PELP1: variants seen among roughly 807,000 people sequenced by gnomAD.
The protein encoded by PELP1 is proline-, glutamic acid- and leucine-rich protein 1.
In PELP1, 32 loss-of-function variants were observed where a neutral mutation model predicts 95.5. That is an observed-to-expected ratio of 0.34 (90% CI 0.25 to 0.45). The LOEUF is 0.45. Ranked by LOEUF, PELP1 falls within the 20% of genes least tolerant of loss-of-function variation. The probability of loss-of-function intolerance (pLI) is 1.00; values close to 1 mark genes in which losing one functional copy is unlikely to be tolerated. For synonymous variants in PELP1, 668 were observed against 600.1 expected, an observed-to-expected ratio of 1.11 and a Z score of -1.65; for missense variants, 1,358 against 1,444.8, an observed-to-expected ratio of 0.94 and a Z score of 0.97.
At position 4,671,957 on chromosome 17, in the gene PELP1, G is replaced by C. The variant is rs768910561; in HGVS notation, c.3034C>G (p.Pro1012Ala). Residue 1012 changes from proline (P) to alanine (A), a missense_variant, in exon 16 of 17, where the codon CCA becomes GCA. Pro to Ala is a conservative substitution (Grantham distance 27). Transcript: ENST00000572293. ...GCCCCACGCTCCTCCTCCGTCCCTG[G>C]CTCCTCCACTTCCAAAAGCAGCCCG... ...EPGLLLEVEE[P>A]GTEEERGADT... 16 of 1,534,518 alleles carry C rather than the reference G, an allele frequency of 1.0e-5. No individual in the cohort carries two copies. Among genetic ancestry groups the C allele is most frequent in the Non-Finnish European group, 1.2e-5 (14 of 1,146,060 alleles).
chr17:4,671,716 GTC>G lies in PELP1; in HGVS notation c.3273_3274del (p.Glu1091AspfsTer13), dbSNP rs764141431. ...CTTTTCCTGGAGAGCTTCGGCCTCT[GTC>G]TCTGTCTCCATCTCTTCTTCTGCAG... On this transcript the variant is annotated frameshift_variant, in exon 16 of 17. Transcript: ENST00000572293. LOFTEE classifies it high-confidence loss of function. 1 of 1,550,766 alleles carries G rather than the reference GTC, an allele frequency of 6.4e-7. No homozygotes were observed. Among genetic ancestry groups the G allele is most frequent in the Non-Finnish European group, 8.7e-7 (1 of 1,154,108 alleles).
intron 1 of PELP1, among the ~76,000 whole-genome samples, chr17:4,701,819 T>A (rs1938485471): frequency 6.6e-6 from 1 of 152,112 alleles, no homozygotes; most frequent in African/African-American, 2.4e-5. Context: ...AATGAAACCT[T>A]TGGGGAAGGA....
chr17:4,701,712 T>C (rs1039584447), intron 1 of PELP1, among the ~76,000 whole-genome samples: 1 of 152,188 alleles, frequency 6.6e-6, no homozygotes, highest in Non-Finnish European at 1.5e-5. Flanking sequence ...TTAACTAGAC[T>C]AGAAATTCTC....
intron 3 of PELP1, among the ~76,000 whole-genome samples, chr17:4,689,879 A>G (rs1350775311): frequency 6.6e-6 from 1 of 152,206 alleles, no homozygotes; most frequent in Non-Finnish European, 1.5e-5. Flanking sequence ...GTAAAAAATT[A>G]GCTAGGAATG....
chr17:4,683,339 G>A (rs572540479), intron 3 of PELP1, among the ~76,000 whole-genome samples: 1 of 150,566 alleles, frequency 6.6e-6, no homozygotes, highest in African/African-American at 2.4e-5. Flanking sequence ...TCCTGCCTCA[G>A]CCTCCCGAGT....
chr17:4,692,085 A>G (rs540736650), intron 1 of PELP1, among the ~76,000 whole-genome samples: 43 of 152,244 alleles, frequency 2.8e-4, no homozygotes, highest in African/African-American at 1.0e-3. Flanking sequence ...TACACTATGC[A>G]TGAGGTTACG....
At position 4,673,657 on chromosome 17, in the gene PELP1, G is replaced by A; in HGVS notation, c.1600C>T (p.Leu534Phe). Residue 534 changes from leucine to phenylalanine, a missense_variant, in exon 14 of 17, where the codon CTC (leucine) becomes TTC (phenylalanine). By Grantham distance (22) the Leu-to-Phe change is conservative. Around this residue, in one of 7 missense-constraint regions of PELP1, gnomAD observed 538 missense variants for 628.1 expected, o/e 0.86. Transcript: ENST00000572293. This position sits in a 1 kb window ranked among gnomAD's most constrained non-coding sequence, Gnocchi z 5.7. ...AALRGLSRTILMCGPLIKEET... is the reference protein window; with the variant it reads ...AALRGLSRTIFMCGPLIKEET... Reference sequence around the variant, plus strand: ...TCCTTGATGAGAGGCCCACACATGAGGATGGTCCGGCTGAGGCCTGGGGAA... The same window carrying A: ...TCCTTGATGAGAGGCCCACACATGAAGATGGTCCGGCTGAGGCCTGGGGAA... 1 of 1,613,912 alleles carries A rather than the reference G, an allele frequency of 6.2e-7. No individual in the cohort carries two copies. The highest frequency in any genetic ancestry group is 8.5e-7 in the Non-Finnish European group (1 of 1,179,822).
Position 4,672,633 on chromosome 17 carries a change from G to C in PELP1, c.2358C>G (p.Asp786Glu), listed in dbSNP as rs767371677. The change falls in exon 16 of 17, where the codon GAC becomes GAG. Residue 786 changes from aspartate (D) to glutamate (E), a missense_variant. Asp to Glu is a conservative substitution (Grantham distance 45, BLOSUM62 2). Transcript: ENST00000572293. ...GCCCCTCGGGCACGATCACCACGCTGTCATCAGAGTCACTTTCCAAGGAGA... is the reference window on the plus strand; with the variant it reads ...GCCCCTCGGGCACGATCACCACGCTCTCATCAGAGTCACTTTCCAAGGAGA... ...VEISLESDSD[D>E]SVVIVPEGLP... 1.2e-6 allele frequency: 2 copies of C among 1,610,996 alleles called. No individual in the cohort carries two copies. Among genetic ancestry groups the C allele is most frequent in the East Asian group, 4.5e-5 (2 of 44,794 alleles).
chr17:4,691,205 A>G, intron 2 of PELP1, 173 bp downstream of exon 2: 1 of 649,012 alleles, frequency 1.5e-6, no homozygotes, highest in Non-Finnish European at 2.7e-6. Context: ...TGGGAGCTGG[A>G]AAAGGTAGGG....
At chr17:4,694,153 G>A (rs1913207040) in intron 1 of PELP1, among the ~76,000 whole-genome samples, 1 of 152,142 alleles carries the variant, frequency 6.6e-6, no homozygotes, top group Non-Finnish European at 1.5e-5. Flanking sequence ...CAAATGGCCA[G>A]AATAGGCAAA....
In PELP1 at chr17:4,701,324, T is replaced by TGGG. The variant is rs112069128; in HGVS notation, c.249+2536_249+2538dup. On this transcript the variant is annotated intron_variant, in intron 1 of 16. Coordinates refer to ENST00000572293, the MANE Select transcript of PELP1 (RefSeq NM_014389.3). ...GAAGACTGGGAAGGAGGATGAGAGTTGGGGGGGTGGGGGCACTGCACAGGG... is the reference window on the plus strand; with the variant it reads ...GAAGACTGGGAAGGAGGATGAGAGTTGGGGGGGGGGTGGGGGCACTGCACAGGG... Among the ~76,000 whole-genome samples, 21 of 129,374 alleles carry TGGG rather than the reference T, an allele frequency of 1.6e-4. No individual in the cohort carries two copies. The East Asian group carries it at 1.9e-3, about 12-fold the overall frequency. 84.9% of individuals were successfully genotyped at this position (129,374 alleles called of 152,430 possible). A position where few individuals can be genotyped will look rare whatever the true frequency, so the allele number is the denominator to read the frequency against.
chr17:4,691,033 C>T, intron 2 of PELP1, 40 bp from the exon 3 acceptor site: 1 of 1,414,572 alleles, frequency 7.1e-7, no homozygotes, highest in Non-Finnish European at 1.0e-6. Flanking sequence ...TGGGCGGAGG[C>T]TAGACTTCAG....
At chr17:4,692,190 G>C (rs1245926030) in intron 1 of PELP1, among the ~76,000 whole-genome samples, 1 of 152,164 alleles carries the variant, frequency 6.6e-6, no homozygotes, top group East Asian at 1.9e-4. Context: ...TGACATGGCC[G>C]GGCGCAGTGG....
In PELP1 at chr17:4,676,563, C is replaced by A; in HGVS notation, c.703-56G>T. ...ATGGGAATCCAGCCCAGCCACAGAA[C>A]CCCCAGCCCCACTGACACCCAAAAG... On this transcript the variant is annotated intron_variant, in intron 6 of 16. Coordinates refer to ENST00000572293, the MANE Select transcript of PELP1 (RefSeq NM_014389.3). 4 of 1,593,706 alleles carry A rather than the reference C, an allele frequency of 2.5e-6. No individual in the cohort carries two copies. In the South Asian group the frequency reaches 4.4e-5, roughly 18 times the overall value.
At chr17:4,696,123 G>A (rs1913287691) in intron 1 of PELP1, among the ~76,000 whole-genome samples, 1 of 151,446 alleles carries the variant, frequency 6.6e-6, no homozygotes, top group African/African-American at 2.4e-5. Context: ...AGCCCAGGAG[G>A]TCAAGATCAG....
chr17:4,684,311 C>T (rs1912829177), intron 3 of PELP1, among the ~76,000 whole-genome samples: 1 of 152,104 alleles, frequency 6.6e-6, no homozygotes, highest in Non-Finnish European at 1.5e-5. Context: ...CTCCAATTTC[C>T]AAATCGCTAC....
chr17:4,701,495 C>T (rs73336203), intron 1 of PELP1, among the ~76,000 whole-genome samples: 4,023 of 152,208 alleles, frequency 0.026, 198 homozygotes, highest in African/African-American at 0.092. Flanking sequence ...TTACAGAGGG[C>T]AAGACTGAAG....
At chr17:4,674,431 G>A in intron 13 of PELP1, 79 bp downstream of exon 13, 1 of 1,331,830 alleles carries the variant, frequency 7.5e-7, no homozygotes, top group Non-Finnish European at 1.1e-6. Context: ...TAAGGGTATA[G>A]TAGGTAGGGG....
chr17:4,703,682 C>T (rs1205681495), intron 1 of PELP1, among the ~76,000 whole-genome samples, 181 bp downstream of exon 1: 1 of 152,168 alleles, frequency 6.6e-6, no homozygotes, highest in Non-Finnish European at 1.5e-5. Flanking sequence ...CCTGGAGAAA[C>T]TCATGGCCGA....
Sources: allele counts gnomAD v4.1 joint callset (sites outside exome capture counted in the v4.1 genomes callset), GRCh38; gene constraint gnomAD v4.1.1; regional missense constraint gnomAD v4.1.1; non-coding constraint Gnocchi (gnomAD v3.1); transcripts MANE v1.5; gene names NCBI Gene and HGNC (gene_info 2026-07-23, HGNC 2026-07-21).